CENPE: variants seen among roughly 807,000 people sequenced by gnomAD.
The protein encoded by CENPE is centromere protein E.
In CENPE, 145 loss-of-function variants were observed where a neutral mutation model predicts 336.1. The ratio of observed to expected loss-of-function variants is 0.43; its 90% CI spans 0.38 to 0.50. CENPE has a LOEUF of 0.50. Among genes scored for constraint, CENPE ranks in the 20% least tolerant of loss-of-function variants. The pLI is 0.00. For synonymous variants in CENPE, 1,013 were observed against 984.8 expected (o/e 1.03, Z -0.54); for missense variants, 2,719 against 3,023.3 (o/e 0.90, Z 2.36).
At chr4:103,183,143 T>C in intron 10 of CENPE, 58 bp downstream of exon 10, 1 of 1,315,768 alleles carries the variant, frequency 7.6e-7, no homozygotes, top group East Asian at 2.3e-5. Flanking sequence ...TGTTGCAATG[T>C]TCAACCTAAT....
In CENPE at chr4:103,183,828, C is replaced by T. The variant is rs373502640; in HGVS notation, c.746-540G>A. 3.4e-4 allele frequency among the ~76,000 whole-genome samples: 51 copies of T among 152,192 alleles called. 1 individual carries two copies. In the South Asian group the frequency reaches 8.9e-3, roughly 27 times the overall value. On this transcript the variant is annotated intron_variant, in intron 9 of 48. Transcript: ENST00000265148. ...TTAGAGATTTTTAAAAATACAAGTT[C>T]GTATGTATTTATTTCCTTCCTTCTT...
intron 8 of CENPE, among the ~76,000 whole-genome samples, chr4:103,189,855 C>A (rs193262589): frequency 6.6e-6 from 1 of 152,086 alleles, no homozygotes; most frequent in Non-Finnish European, 1.5e-5. Flanking sequence ...TCAAATTGTC[C>A]CTGTTTGCAG....
At chr4:103,140,736 C>A in intron 36 of CENPE, 78 bp downstream of exon 36, 3 of 1,209,998 alleles carry the variant, frequency 2.5e-6, no homozygotes, top group South Asian at 1.6e-5. Context: ...AGTCACCAGA[C>A]ACAACGCTGC....
At chr4:103,114,389 T>C in intron 46 of CENPE, 66 bp downstream of exon 46, 2 of 924,186 alleles carry the variant, frequency 2.2e-6, no homozygotes, top group Non-Finnish European at 3.6e-6. Context: ...ATAATATTAG[T>C]CTTCAAAGTC....
intron 8 of CENPE, among the ~76,000 whole-genome samples, chr4:103,193,655 A>C (rs991711493): frequency 2.0e-5 from 3 of 152,138 alleles, no homozygotes; most frequent in Admixed American, 2.0e-4. Flanking sequence ...TCGCTTATTC[A>C]GCAAATCTAT....
rs1372948619 is a variant in CENPE at position 103,151,069 on chromosome 4, G to GT, written c.3396+149dup. 8 of 665,378 alleles carry GT rather than the reference G, an allele frequency of 1.2e-5. No homozygotes were observed. The Admixed American group carries it at 2.6e-4, about 22-fold the overall frequency. The allele number at this position is 665,378 out of a possible 1,614,324, so 41.2% of individuals were successfully genotyped here. On this transcript the variant is annotated intron_variant, in intron 26 of 48. Transcript: ENST00000265148. ...AAGGTATGTTAGTTTAGATCTCAGT[G>GT]TAAGTTAAAATTGTCCAAAATACTA... is the stretch of plus-strand genomic sequence containing the variant.
In CENPE at chr4:103,148,843, C is replaced by A; in HGVS notation, c.3843+1G>T. 2 of 1,609,872 alleles carry A rather than the reference C, an allele frequency of 1.2e-6. No homozygotes were observed. Among genetic ancestry groups the A allele is most frequent in the Non-Finnish European group, 8.5e-7 (1 of 1,178,144 alleles). On this transcript the variant is annotated splice_donor_variant, in intron 28 of 48. Coordinates refer to ENST00000265148, the MANE Select transcript of CENPE (RefSeq NM_001813.3). LOFTEE classifies it high-confidence loss of function. Reference sequence around the variant, plus strand: ...AAGGATGAAAGGAATAAAAGACATACCTCTTCTTGTAATTTGGTATGGGAT... The same window carrying A: ...AAGGATGAAAGGAATAAAAGACATAACTCTTCTTGTAATTTGGTATGGGAT...
Position 103,108,972 on chromosome 4 carries a change from T to C in CENPE, c.7842A>G (p.Thr2614=). ...NSPKSPKVTG[T]ASKKKQITPS... ...GTGTAATTTGTTTCTTTTTAGAAGC[T>C]GTTCCAGTCACTTTAGGAGACTTTG... is the stretch of plus-strand genomic sequence containing the variant. The change falls in exon 48 of 49, where the codon ACA becomes ACG. Residue 2614 remains threonine, a synonymous_variant. Coordinates refer to ENST00000265148, the MANE Select transcript of CENPE (RefSeq NM_001813.3). The C allele has an allele frequency of 6.2e-7, 1 of 1,613,892 alleles. No individual in the cohort carries two copies. The highest frequency in any genetic ancestry group is 1.3e-5 in the African/African-American group (1 of 75,020).
chr4:103,181,995 T>C (rs1010268222), intron 11 of CENPE: 1 of 152,414 alleles, frequency 6.6e-6, no homozygotes, highest in African/African-American at 2.4e-5. Context: ...TAAGTAACTT[T>C]AGGTGGGTAC....
intron 42 of CENPE, among the ~76,000 whole-genome samples, chr4:103,128,450 A>T (rs1751318873): frequency 6.6e-6 from 1 of 152,280 alleles, no homozygotes; most frequent in East Asian, 1.9e-4. Flanking sequence ...TACTTCATCC[A>T]ACAACAGCAT....
At chr4:103,140,503 T>C (rs2125916528) in intron 36 of CENPE, 89 bp from the exon 37 acceptor site, 2 of 969,334 alleles carry the variant, frequency 2.1e-6, no homozygotes, top group Non-Finnish European at 3.0e-6. Context: ...ATCTTAAAAA[T>C]TATACACTCA....
Position 103,140,489 on chromosome 4 carries a change from C to T in CENPE, c.5755-75G>A, listed in dbSNP as rs549825240. 1.6e-4 allele frequency: 170 copies of T among 1,072,934 alleles called. 2 individuals carry two copies. In the South Asian group the frequency reaches 2.9e-3, roughly 18 times the overall value. 66.5% of individuals were successfully genotyped at this position (1,072,934 alleles called of 1,614,324 possible). On this transcript the variant is annotated intron_variant, in intron 36 of 48. Coordinates refer to ENST00000265148, the MANE Select transcript of CENPE (RefSeq NM_001813.3). Reference sequence around the variant, plus strand: ...CCTTTACTTAATGATTGAGTTTAAACAAAATCTTAAAAATTATACACTCAC... The same window carrying T: ...CCTTTACTTAATGATTGAGTTTAAATAAAATCTTAAAAATTATACACTCAC...
intron 16 of CENPE, among the ~76,000 whole-genome samples, chr4:103,167,603 A>G (rs1343230285): frequency 1.3e-5 from 2 of 152,168 alleles, no homozygotes; most frequent in Non-Finnish European, 2.9e-5. Context: ...AACAACAAGA[A>G]TTCTGTACCT....
chr4:103,117,986 A>C (rs1750291801), intron 44 of CENPE, among the ~76,000 whole-genome samples: 1 of 152,070 alleles, frequency 6.6e-6, no homozygotes. Context: ...CAGTTTATCC[A>C]TTTACCCACT....
chr4:103,195,839 A>G, intron 4 of CENPE, 81 bp downstream of exon 4: 1 of 846,424 alleles, frequency 1.2e-6, no homozygotes, highest in Non-Finnish European at 2.0e-6. Context: ...TTTCATCTTT[A>G]CAAGAGAAAT....
intron 24 of CENPE, among the ~76,000 whole-genome samples, chr4:103,157,176 T>C (rs923150762): frequency 2.0e-5 from 3 of 151,856 alleles, no homozygotes; most frequent in Admixed American, 1.3e-4. Flanking sequence ...GAAAACATTA[T>C]GGTGCTTTCT....
At chr4:103,164,971 GGC>G (rs780759793) in intron 16 of CENPE, among the ~76,000 whole-genome samples, 99 of 152,128 alleles carry the variant, frequency 6.5e-4, no homozygotes, top group Non-Finnish European at 1.2e-3. Flanking sequence ...AGGGTAGTAT[GGC>G]CATAGATAAT....
intron 40 of CENPE, among the ~76,000 whole-genome samples, chr4:103,135,900 T>C (rs1752026676): frequency 6.6e-6 from 1 of 152,236 alleles, no homozygotes; most frequent in Non-Finnish European, 1.5e-5. Flanking sequence ...CCCCAGACTA[T>C]GAGATCTTTG....
Position 103,163,266 on chromosome 4 carries a change from T to C in CENPE, c.1723-10A>G. On this transcript the variant is annotated splice_polypyrimidine_tract_variant and intron_variant, in intron 17 of 48. Coordinates refer to ENST00000265148, the MANE Select transcript of CENPE (RefSeq NM_001813.3). ...TTGAACTGAGTTCATTCTAAAAGAA[T>C]CAAAGGAGAGAGTAACAATTTAGAA... 6.2e-7 allele frequency: 1 copy of C among 1,600,240 alleles called. No homozygotes were observed. The highest frequency in any genetic ancestry group is 8.5e-7 in the Non-Finnish European group (1 of 1,173,428).
Sources: gnomAD v4.1 joint callset for allele counts (sites outside exome capture counted in the v4.1 genomes callset) on GRCh38, gnomAD v4.1.1 for gene constraint, MANE v1.5 for transcripts, NCBI Gene and HGNC (gene_info 2026-07-23, HGNC 2026-07-21) for gene names.